The following LRRC4C variants were observed in gnomAD, a reference collection of about 807,000 sequenced individuals.
LRRC4C encodes the protein leucine rich repeat containing 4C, also known as leucine-rich repeat-containing protein 4C.
LRRC4C carries 5 observed loss-of-function variants against 33.6 expected under a neutral mutation model. That is an observed-to-expected ratio of 0.15 (90% confidence interval 0.08 to 0.31). The LOEUF is 0.31. LRRC4C is among the 10% of genes least tolerant of loss of function. The pLI is 1.00. For missense variants in LRRC4C, 560 were observed against 796.7 expected (o/e 0.70, Z 3.58); for synonymous variants, 329 against 302.0 (o/e 1.09, Z -0.93).
At chr11:40,484,168 A>T (rs1953736667) in intron 3 of LRRC4C, among the ~76,000 whole-genome samples, 1 of 152,148 alleles carries the variant, frequency 6.6e-6, no homozygotes, top group Admixed American at 6.6e-5. Flanking sequence ...TATCTAACAG[A>T]AATACTTTAT....
intron 4 of LRRC4C, among the ~76,000 whole-genome samples, chr11:40,309,696 G>A (rs1290325414): frequency 6.6e-6 from 1 of 151,934 alleles, no homozygotes; most frequent in Admixed American, 6.6e-5. Context: ...TTGTAGAGAC[G>A]GATTTTCACC....
chr11:40,782,949 A>T lies in LRRC4C; in HGVS notation c.-406-134671T>A, dbSNP rs1466705748. Among the ~76,000 whole-genome samples, 3 of 152,092 alleles carry T rather than the reference A, an allele frequency of 2.0e-5. No individual in the cohort carries two copies. In the South Asian group the frequency reaches 6.2e-4, roughly 31 times the overall value. On this transcript the variant is annotated intron_variant, in intron 2 of 6. Transcript: ENST00000528697. ...GTATATGTGTGTGTATTTTATATATATTTATAAATTCAGTTAGTTTTGACC... is the reference window on the plus strand; with the variant it reads ...GTATATGTGTGTGTATTTTATATATTTTTATAAATTCAGTTAGTTTTGACC...
At chr11:40,592,595 C>G (rs1221430399) in intron 3 of LRRC4C, among the ~76,000 whole-genome samples, 1 of 152,106 alleles carries the variant, frequency 6.6e-6, no homozygotes, top group Non-Finnish European at 1.5e-5. Flanking sequence ...CCTTTTTTTG[C>G]AGATGTAGAA....
intron 2 of LRRC4C, among the ~76,000 whole-genome samples, chr11:40,745,045 A>G (rs750574359): frequency 1.3e-5 from 2 of 152,202 alleles, no homozygotes; most frequent in Non-Finnish European, 2.9e-5. Context: ...AAAAGCACTA[A>G]GCAAATGGTA....
chr11:41,451,494 G>A (rs998981682), intron 1 of LRRC4C, among the ~76,000 whole-genome samples: 1 of 152,004 alleles, frequency 6.6e-6, no homozygotes. Flanking sequence ...TAAAAAAAAT[G>A]CAGCAGTGCT....
intron 1 of LRRC4C, among the ~76,000 whole-genome samples, chr11:41,059,078 A>G (rs1480378921): frequency 6.6e-6 from 1 of 152,162 alleles, no homozygotes; most frequent in Non-Finnish European, 1.5e-5. Context: ...AGAGCAGGGT[A>G]AAGAAAAAAA....
At chr11:41,102,397 TTAAG>T (rs1275225719) in intron 1 of LRRC4C, among the ~76,000 whole-genome samples, 2 of 152,076 alleles carry the variant, frequency 1.3e-5, no homozygotes, top group Non-Finnish European at 2.9e-5. Context: ...AAGAAAAAGA[TTAAG>T]TAGTTTCCAC....
chr11:41,112,898 G>T (rs1210267933), intron 1 of LRRC4C, among the ~76,000 whole-genome samples: 1 of 151,982 alleles, frequency 6.6e-6, no homozygotes, highest in African/African-American at 2.4e-5. Context: ...ATGAGTAGGT[G>T]TGTGTGTGTG....
At chr11:40,879,287 A>T (rs76600927) in intron 2 of LRRC4C, among the ~76,000 whole-genome samples, 11,443 of 152,264 alleles carry the variant, frequency 0.075, 540 homozygotes, top group Admixed American at 0.16. Flanking sequence ...TGTTGGAGTG[A>T]ACCTCAAACT....
At chr11:41,263,809 T>TA (rs1222342446) in intron 1 of LRRC4C, among the ~76,000 whole-genome samples, 2 of 151,880 alleles carry the variant, frequency 1.3e-5, no homozygotes, top group Admixed American at 6.6e-5. Flanking sequence ...ATTCAATGCA[T>TA]AAAAAAACAA....
At chr11:40,850,751 C>T (rs987005412) in intron 2 of LRRC4C, among the ~76,000 whole-genome samples, 1 of 152,188 alleles carries the variant, frequency 6.6e-6, no homozygotes, top group Non-Finnish European at 1.5e-5. Flanking sequence ...CCCCTGGTGC[C>T]CTGTCCCAGG....
At chr11:40,166,438 C>T (rs1403250284) in intron 5 of LRRC4C, among the ~76,000 whole-genome samples, 1 of 152,048 alleles carries the variant, frequency 6.6e-6, no homozygotes, top group East Asian at 1.9e-4. Context: ...TAGTAGTTAT[C>T]CTTGAGGAGC....
chr11:40,521,862 C>T lies in LRRC4C; in HGVS notation c.-270+126280G>A, dbSNP rs180920521. Among the ~76,000 whole-genome samples the T allele has an allele frequency of 7.1e-3, 1,070 of 150,386 alleles. 10 individuals are homozygous for T. Among genetic ancestry groups the T allele is most frequent in the African/African-American group, 0.025 (1,027 of 40,864 alleles). The stretch of plus-strand genomic sequence containing the variant: ...CCAGCCTGGTGACAGAGCGAGACAC[C>T]GTCTCAAAAAAATAAAATAAAATAA... On this transcript the variant is annotated intron_variant, in intron 3 of 6. Coordinates refer to ENST00000528697, the MANE Select transcript of LRRC4C (RefSeq NM_001258419.2).
At chr11:41,315,122 G>C (rs1950749083) in intron 1 of LRRC4C, among the ~76,000 whole-genome samples, 1 of 152,042 alleles carries the variant, frequency 6.6e-6, no homozygotes, top group Non-Finnish European at 1.5e-5. Context: ...AAATTGTCCT[G>C]GATTTACTAG....
intron 2 of LRRC4C, among the ~76,000 whole-genome samples, chr11:40,899,614 T>C (rs2136178863): frequency 6.6e-6 from 1 of 152,304 alleles, no homozygotes; most frequent in East Asian, 1.9e-4. Context: ...TGTGTCTTAA[T>C]GAAGAGTATT....
At chr11:40,193,018 G>A (rs897334191) in intron 5 of LRRC4C, among the ~76,000 whole-genome samples, 1 of 152,208 alleles carries the variant, frequency 6.6e-6, no homozygotes, top group Non-Finnish European at 1.5e-5. Flanking sequence ...GGGCAGCTGT[G>A]GGTGCAGCTT....
intron 3 of LRRC4C, among the ~76,000 whole-genome samples, chr11:40,641,966 A>C (rs1219203475): frequency 1.3e-5 from 2 of 152,074 alleles, no homozygotes; most frequent in Admixed American, 1.3e-4. Flanking sequence ...GTTTCAGGTT[A>C]AAATTAATGC....
chr11:40,946,062 A>G (rs889142023), intron 1 of LRRC4C, among the ~76,000 whole-genome samples: 1 of 152,124 alleles, frequency 6.6e-6, no homozygotes, highest in Non-Finnish European at 1.5e-5. Context: ...ACTCAAGAGT[A>G]ATTTTTCCAC....
At chr11:41,241,564 GA>G (rs1157543287) in intron 1 of LRRC4C, among the ~76,000 whole-genome samples, 1 of 152,110 alleles carries the variant, frequency 6.6e-6, no homozygotes, top group Non-Finnish European at 1.5e-5. Context: ...GCAAGGGCAT[GA>G]GGATTAGGTT....
Sources: gnomAD v4.1 joint callset for allele counts (sites outside exome capture counted in the v4.1 genomes callset) on GRCh38, gnomAD v4.1.1 for gene constraint, MANE v1.5 for transcripts, NCBI Gene and HGNC (gene_info 2026-07-23, HGNC 2026-07-21) for gene names.